The following ANO6 variants were observed in gnomAD, a reference collection of about 807,000 sequenced individuals.
ANO6 encodes the protein anoctamin 6.
A neutral mutation model predicts 117.5 loss-of-function variants in ANO6; 106 were observed. The observed-to-expected ratio is 0.90, with a 90% CI of 0.77 to 1.06. ANO6 has a LOEUF of 1.06. ANO6 is among the 50% of genes least tolerant of loss of function. ANO6 has a pLI of 0.00. For missense variants in ANO6, 955 were observed against 1,121.1 expected, an observed-to-expected ratio of 0.85 and a Z score of 2.12; for synonymous variants, 367 against 385.1, an observed-to-expected ratio of 0.95 and a Z score of 0.55.
intron 3 of ANO6, among the ~76,000 whole-genome samples, chr12:45,334,830 A>G (rs776209822): frequency 8.6e-5 from 13 of 152,044 alleles, no homozygotes; most frequent in African/African-American, 2.4e-4. Flanking sequence ...ACAAATTCCC[A>G]TATATTTCTC....
At position 45,409,418 on chromosome 12, in the gene ANO6, C is replaced by T. The variant is rs774784458; in HGVS notation, c.1942C>T (p.Arg648Ter). 12 of 1,613,980 alleles carry T rather than the reference C, an allele frequency of 7.4e-6. No individual in the cohort carries two copies. The highest frequency in any genetic ancestry group is 1.3e-5 in the African/African-American group (1 of 75,034). Residue 648 changes from arginine (R) to a stop codon, truncating the protein, a stop_gained, in exon 16 of 20, where the codon CGA becomes TGA. Coordinates refer to ENST00000320560, the MANE Select transcript of ANO6 (RefSeq NM_001025356.3). LOFTEE classifies it high-confidence loss of function. ...RVSGSEKITPRWEQDYHLQPM... is the reference protein window; with the variant it reads ...RVSGSEKITP ...TTCTGGATCAGAAAAGATAACCCCA[C>T]GATGGGAACAGGACTACCATCTGCA...
chr12:45,296,156 A>C (rs1176877489), intron 1 of ANO6, among the ~76,000 whole-genome samples: 1 of 152,204 alleles, frequency 6.6e-6, no homozygotes, highest in Non-Finnish European at 1.5e-5. Context: ...CATTCAGGTC[A>C]AATATTAGAT....
At chr12:45,245,951 A>T (rs907777041) in intron 1 of ANO6, among the ~76,000 whole-genome samples, 4 of 151,148 alleles carry the variant, frequency 2.6e-5, no homozygotes, top group Non-Finnish European at 5.9e-5. Context: ...TAGTCAAAAA[A>T]AAAAAAAAAC....
chr12:45,295,984 C>T lies in ANO6; in HGVS notation c.71-6030C>T, dbSNP rs146363987. Among the ~76,000 whole-genome samples, 189 of 152,146 alleles carry T rather than the reference C, an allele frequency of 1.2e-3. 1 individual carries two copies. The highest frequency in any genetic ancestry group is 4.4e-3 in the African/African-American group (183 of 41,490). On this transcript the variant is annotated intron_variant, in intron 1 of 19. Coordinates refer to ENST00000320560, the MANE Select transcript of ANO6 (RefSeq NM_001025356.3). ...CAAGTGATTCTTGTGCCTCAGCCTC[C>T]TGAGTAGCTGGGACTACAGGCATGC...
chr12:45,267,106 G>C (rs1246085802), intron 1 of ANO6, among the ~76,000 whole-genome samples: 1 of 152,228 alleles, frequency 6.6e-6, no homozygotes, highest in East Asian at 1.9e-4. Context: ...ATATTAGTTT[G>C]CTGGGGCTGC....
At chr12:45,264,151 C>T (rs899997101) in intron 1 of ANO6, among the ~76,000 whole-genome samples, 2 of 152,190 alleles carry the variant, frequency 1.3e-5, no homozygotes, top group African/African-American at 4.8e-5. Context: ...CACCCCATTA[C>T]CTGCTGCATG....
Position 45,359,734 on chromosome 12 carries a change from A to T in ANO6, c.998+2310A>T, listed in dbSNP as rs1012386189. On this transcript the variant is annotated intron_variant, in intron 8 of 19. Coordinates refer to ENST00000320560, the MANE Select transcript of ANO6 (RefSeq NM_001025356.3). ...TTCTACTCTTTGGTTATTATGAATAATTCTGCTATGAACATTCATGGACAA... is the reference window on the plus strand; with the variant it reads ...TTCTACTCTTTGGTTATTATGAATATTTCTGCTATGAACATTCATGGACAA... Among the ~76,000 whole-genome samples, 5 of 152,242 alleles carry T rather than the reference A, an allele frequency of 3.3e-5. No individual in the cohort carries two copies. In the South Asian group the frequency reaches 1.0e-3, roughly 32 times the overall value.
chr12:45,376,695 A>C (rs1176892548), intron 9 of ANO6, among the ~76,000 whole-genome samples: 6 of 115,760 alleles, frequency 5.2e-5, no homozygotes, highest in Admixed American at 1.1e-4. Flanking sequence ...CACTCTGGGG[A>C]CTGTTGTGGG....
intron 7 of ANO6, among the ~76,000 whole-genome samples, chr12:45,354,038 C>T (rs538427943): frequency 6.6e-5 from 10 of 151,776 alleles, no homozygotes; most frequent in Non-Finnish European, 1.3e-4. Flanking sequence ...TTGTGAGAAA[C>T]CAGGGGAGAA....
intron 19 of ANO6, among the ~76,000 whole-genome samples, chr12:45,428,003 G>C (rs1398674105): frequency 6.6e-6 from 1 of 151,186 alleles, no homozygotes; most frequent in Non-Finnish European, 1.5e-5. Flanking sequence ...TATTGCTGCT[G>C]TGGGAGTGTA....
chr12:45,346,444 T>A (rs1941134390), intron 3 of ANO6, among the ~76,000 whole-genome samples: 1 of 152,206 alleles, frequency 6.6e-6, no homozygotes, highest in African/African-American at 2.4e-5. Context: ...ACTATTTTTA[T>A]GGATTTAGAC....
intron 9 of ANO6, among the ~76,000 whole-genome samples, chr12:45,373,013 G>A (rs966064715): frequency 2.2e-4 from 33 of 152,264 alleles, no homozygotes; most frequent in African/African-American, 7.0e-4. Flanking sequence ...AAGGATGGAG[G>A]AAGATCTACC....
At chr12:45,217,715 C>G (rs957370855) in intron 1 of ANO6, among the ~76,000 whole-genome samples, 1 of 152,300 alleles carries the variant, frequency 6.6e-6, no homozygotes, top group East Asian at 1.9e-4. Flanking sequence ...AATGCTCTTA[C>G]CACTGGGTCA....
chr12:45,327,223 T>C (rs1433707717), intron 2 of ANO6, among the ~76,000 whole-genome samples: 3 of 152,130 alleles, frequency 2.0e-5, no homozygotes, highest in Non-Finnish European at 4.4e-5. Flanking sequence ...TAGAGCTCTC[T>C]AGTTAAAAGG....
intron 10 of ANO6, among the ~76,000 whole-genome samples, chr12:45,386,204 G>C (rs962571787): frequency 6.6e-5 from 10 of 152,150 alleles, no homozygotes; most frequent in African/African-American, 2.2e-4. Flanking sequence ...GCCAGGGTGT[G>C]ATTACTACCC....
chr12:45,295,191 A>T (rs1004625130), intron 1 of ANO6, among the ~76,000 whole-genome samples: 8 of 152,222 alleles, frequency 5.3e-5, no homozygotes, highest in Non-Finnish European at 1.0e-4. Flanking sequence ...ATGTTTTATT[A>T]CTAACATTCT....
intron 9 of ANO6, among the ~76,000 whole-genome samples, chr12:45,376,156 C>T (rs1297190552): frequency 6.6e-6 from 1 of 150,638 alleles, no homozygotes; most frequent in Non-Finnish European, 1.5e-5. Context: ...AGTGAGATGC[C>T]ATCTCACACC....
intron 10 of ANO6, among the ~76,000 whole-genome samples, chr12:45,383,711 A>G (rs749917610): frequency 6.6e-5 from 10 of 152,178 alleles, no homozygotes; most frequent in Non-Finnish European, 1.2e-4. Context: ...TTTATGAACA[A>G]TGGGCTTAAA....
At chr12:45,346,961 A>C in intron 3 of ANO6, 61 bp from the exon 4 acceptor site, 1 of 1,484,092 alleles carries the variant, frequency 6.7e-7, no homozygotes, top group Non-Finnish European at 9.4e-7. Context: ...GTTTTAAAAA[A>C]TGCCTTTTTC....
Sources: gnomAD v4.1 joint callset for allele counts (sites outside exome capture counted in the v4.1 genomes callset) on GRCh38, gnomAD v4.1.1 for gene constraint, MANE v1.5 for transcripts, NCBI Gene and HGNC (gene_info 2026-07-23, HGNC 2026-07-21) for gene names.